COL5A2: variants seen among roughly 807,000 people sequenced by gnomAD.
COL5A2 encodes the protein collagen type V alpha 2 chain.
COL5A2 carries 23 observed loss-of-function variants against 208.2 expected under a neutral mutation model. The ratio of observed to expected loss-of-function variants is 0.11; its 90% confidence interval spans 0.08 to 0.16. COL5A2 has a LOEUF of 0.16. COL5A2 is among the 10% of genes least tolerant of loss of function. COL5A2 has a pLI of 1.00. For missense variants in COL5A2, 1,590 were observed against 1,956.4 expected (o/e 0.81, Z 3.53); for synonymous variants, 625 against 628.5 (o/e 0.99, Z 0.08).
intron 46 of COL5A2, among the ~76,000 whole-genome samples, 194 bp downstream of exon 46, chr2:189,045,606 T>C (rs1052751493): frequency 2.6e-5 from 4 of 152,234 alleles, no homozygotes; most frequent in Non-Finnish European, 5.9e-5. Flanking sequence ...GTATCTTCTA[T>C]TCCCTCTTAG....
At chr2:189,070,081 G>T (rs1686237434) in intron 18 of COL5A2, among the ~76,000 whole-genome samples, 1 of 152,252 alleles carries the variant, frequency 6.6e-6, no homozygotes, top group East Asian at 1.9e-4. Flanking sequence ...AAATAAAAAT[G>T]CCTAGTTGAG....
the COL5A2 span, among the ~76,000 whole-genome samples, chr2:189,414,793 G>T: frequency 2.7e-5 from 4 of 148,108 alleles, no homozygotes; most frequent in African/African-American, 9.9e-5. Context: ...TTCCGTTCTA[G>T]AGTCTTCTAC....
At chr2:189,370,711 T>C in the COL5A2 span, among the ~76,000 whole-genome samples, 1 of 152,182 alleles carries the variant, frequency 6.6e-6, no homozygotes. Context: ...CTCACATACA[T>C]AATTTCATAG....
At chr2:189,396,631 G>C in the COL5A2 span, among the ~76,000 whole-genome samples, 1 of 145,146 alleles carries the variant, frequency 6.9e-6, no homozygotes, top group Non-Finnish European at 1.5e-5. Context: ...CAGAGCTCGC[G>C]CCACTGCACT....
chr2:189,052,349 ATT>A (rs901391771), intron 40 of COL5A2, 124 bp from the exon 41 acceptor site: 1 of 912,870 alleles, frequency 1.1e-6, no homozygotes, highest in Non-Finnish European at 1.7e-6. Context: ...TGTAAGCAAT[ATT>A]TTTTTTTCTT....
At chr2:189,363,896 C>T in the COL5A2 span, among the ~76,000 whole-genome samples, 25 of 152,292 alleles carry the variant, frequency 1.6e-4, no homozygotes, top group Middle Eastern at 6.8e-3. Context: ...TATAACCCAC[C>T]GTGTTGACCC....
Position 189,033,966 on chromosome 2 carries a change from C to G in COL5A2, c.*104G>C. 1 of 1,451,544 alleles carries G rather than the reference C, an allele frequency of 6.9e-7. No homozygotes were observed. The highest frequency in any genetic ancestry group is 9.6e-7 in the Non-Finnish European group (1 of 1,039,154). The allele number at this position is 1,451,544 out of a possible 1,614,324, so 89.9% of individuals were successfully genotyped here. A position where few individuals can be genotyped will look rare whatever the true frequency, so the allele number is the denominator to read the frequency against. On this transcript the variant is annotated 3_prime_UTR_variant, in exon 54 of 54. Coordinates refer to ENST00000374866, the MANE Select transcript of COL5A2 (RefSeq NM_000393.5). ...ATATACAATGCTGATGCAGGATCAG[C>G]CATTACTTCAAGAGTCTCAGGATCA...
chr2:189,120,299 C>A (rs1341319204), intron 1 of COL5A2, among the ~76,000 whole-genome samples: 2 of 152,100 alleles, frequency 1.3e-5, no homozygotes, highest in Non-Finnish European at 2.9e-5. Context: ...TACATACACA[C>A]TGAAACTTCA....
the COL5A2 span, among the ~76,000 whole-genome samples, chr2:189,339,822 C>A: frequency 2.0e-5 from 3 of 152,100 alleles, no homozygotes; most frequent in Non-Finnish European, 4.4e-5. Context: ...TTCCTTGGAA[C>A]TATTTGGGAG....
the COL5A2 span, among the ~76,000 whole-genome samples, chr2:189,289,013 G>T: frequency 6.6e-6 from 1 of 152,072 alleles, no homozygotes; most frequent in Non-Finnish European, 1.5e-5. Context: ...TATCCATTTC[G>T]CTGAAAGTTT....
intron 1 of COL5A2, among the ~76,000 whole-genome samples, chr2:189,160,828 C>CTTT (rs1013116673): frequency 9.8e-5 from 13 of 132,008 alleles, no homozygotes; most frequent in African/African-American, 2.3e-4. Context: ...TTTCTTTTTC[C>CTTT]TTTTTTTTTT....
chr2:189,276,410 T>C, the COL5A2 span, among the ~76,000 whole-genome samples: 1 of 152,322 alleles, frequency 6.6e-6, no homozygotes, highest in South Asian at 2.1e-4. Context: ...TAGACCCTGT[T>C]GCTCACTTAC....
chr2:189,168,908 T>G (rs186193979), intron 1 of COL5A2, among the ~76,000 whole-genome samples: 31 of 152,288 alleles, frequency 2.0e-4, no homozygotes, highest in African/African-American at 7.2e-4. Flanking sequence ...GTAAGGAAAG[T>G]GTGAGTATGA....
upstream of COL5A2, among the ~76,000 whole-genome samples, chr2:189,228,227 C>G (rs1456745903): frequency 2.0e-5 from 3 of 151,160 alleles, no homozygotes; most frequent in African/African-American, 7.3e-5. Flanking sequence ...CTAAAGCAAC[C>G]TAATTCTATA....
At chr2:189,160,278 G>T (rs1688333529) in intron 1 of COL5A2, among the ~76,000 whole-genome samples, 1 of 152,192 alleles carries the variant, frequency 6.6e-6, no homozygotes, top group African/African-American at 2.4e-5. Flanking sequence ...CTACTTATAT[G>T]TAGTGTGATA....
chr2:189,149,176 G>A (rs962019273), intron 1 of COL5A2, among the ~76,000 whole-genome samples: 1 of 152,048 alleles, frequency 6.6e-6, no homozygotes, highest in Admixed American at 6.6e-5. Flanking sequence ...AAATACTCCA[G>A]CCAAAGACAT....
chr2:189,314,299 T>C, the COL5A2 span, among the ~76,000 whole-genome samples: 1,115 of 152,230 alleles, frequency 7.3e-3, 16 homozygotes, highest in African/African-American at 0.026. Context: ...TTCAAAACCA[T>C]ACAATTACAT....
upstream of COL5A2, among the ~76,000 whole-genome samples, chr2:189,229,443 A>C (rs75989758): frequency 0.094 from 4,000 of 42,432 alleles, 182 homozygotes; most frequent in African/African-American, 0.22. Flanking sequence ...CACACACACA[A>C]AAAAAAAACC....
chr2:189,396,893 A>G, the COL5A2 span, among the ~76,000 whole-genome samples: 1 of 149,986 alleles, frequency 6.7e-6, no homozygotes, highest in Non-Finnish European at 1.5e-5. Context: ...TCAGAGGCTG[A>G]GACAGGAGAA....
Sources: allele counts gnomAD v4.1 joint callset (sites outside exome capture counted in the v4.1 genomes callset), GRCh38; gene constraint gnomAD v4.1.1; transcripts MANE v1.5; gene names NCBI Gene and HGNC (gene_info 2026-07-23, HGNC 2026-07-21).